The following MLPH variants were observed in gnomAD, a reference collection of about 807,000 sequenced individuals.
MLPH encodes melanophilin.
MLPH carries 51 observed loss-of-function variants against 72.1 expected under a neutral mutation model. The observed-to-expected ratio is 0.71, with a 90% CI of 0.56 to 0.89. The LOEUF is 0.89. MLPH is among the 40% of genes least tolerant of loss of function. The probability of loss-of-function intolerance (pLI) is 0.00; values close to 1 mark genes in which losing one functional copy is unlikely to be tolerated. For synonymous variants in MLPH, 301 were observed against 310.1 expected (o/e 0.97, Z 0.31); for missense variants, 743 against 759.9 (o/e 0.98, Z 0.26).
Position 237,553,693 on chromosome 2 carries a change from C to T in MLPH, c.*101C>T, listed in dbSNP as rs757937045. 2.8e-5 allele frequency: 42 copies of T among 1,517,376 alleles called. No homozygotes were observed. In the East Asian group the frequency reaches 2.9e-4, roughly 11 times the overall value. The allele number at this position is 1,517,376 out of a possible 1,614,324, so 94.0% of individuals were successfully genotyped here. ...TGTGCTTTCCACTATACACAGTCACCGTCCCAATGAGAAACAAGAAGGAGC... is the reference window on the plus strand; with the variant it reads ...TGTGCTTTCCACTATACACAGTCACTGTCCCAATGAGAAACAAGAAGGAGC... On this transcript the variant is annotated 3_prime_UTR_variant, in exon 16 of 16. Transcript: ENST00000264605.
intron 12 of MLPH, chr2:237,545,747 A>T: frequency 2.2e-6 from 2 of 918,050 alleles, no homozygotes; most frequent in South Asian, 1.9e-5. Context: ...ACCTTAGGAG[A>T]GTCCCAGATA....
rs1559377397 is a variant in MLPH at position 237,545,187 on chromosome 2, G to GGA, written c.1540-1419_1540-1418insGA. ...GTGGGGGGACAGTGGTGAGTGGAGG[G>GGA]CACAGTGGTGAGTGGGGACAGTGGT... On this transcript the variant is annotated intron_variant, in intron 12 of 15. Transcript: ENST00000264605. Among the ~76,000 whole-genome samples, 36 of 48,928 alleles carry GGA rather than the reference G, an allele frequency of 7.4e-4. 1 individual carries two copies. Among genetic ancestry groups the GGA allele is most frequent in the Non-Finnish European group, 9.4e-4 (23 of 24,366 alleles). 32.1% of individuals were successfully genotyped at this position (48,928 alleles called of 152,430 possible).
At chr2:237,545,916 C>A in intron 12 of MLPH, 1 of 198,208 alleles carries the variant, frequency 5.0e-6, no homozygotes, top group South Asian at 9.4e-5. Flanking sequence ...AGGTCTCAGT[C>A]AATTTGGAAA....
chr2:237,519,809 C>G (rs1442425173), intron 5 of MLPH, 101 bp from the exon 6 acceptor site: 10 of 1,567,822 alleles, frequency 6.4e-6, no homozygotes, highest in Admixed American at 5.0e-5. Context: ...CTGCCCCGCC[C>G]CTCTGGGGGC....
Position 237,540,904 on chromosome 2 carries a change from C to T in MLPH, c.1393C>T (p.Leu465=). The change falls in exon 11 of 16, where the codon CTG becomes TTG. Residue 465 remains leucine (L), a synonymous_variant. Coordinates refer to ENST00000264605, the MANE Select transcript of MLPH (RefSeq NM_024101.7). ...GACCACAGATGAGGAGCTGTCAGAGCTGGAGGACAGAGTGGCAGTGACGGC... is the reference window on the plus strand; with the variant it reads ...GACCACAGATGAGGAGCTGTCAGAGTTGGAGGACAGAGTGGCAGTGACGGC... The part of the protein sequence containing the change: ...NRTTDEELSE[L]EDRVAVTASE... 2 of 1,612,260 alleles carry T rather than the reference C, an allele frequency of 1.2e-6. No homozygotes were observed. Among genetic ancestry groups the T allele is most frequent in the Non-Finnish European group, 1.7e-6 (2 of 1,179,428 alleles).
At chr2:237,490,801 A>T (rs1318784723) in intron 1 of MLPH, among the ~76,000 whole-genome samples, 1 of 152,222 alleles carries the variant, frequency 6.6e-6, no homozygotes. Context: ...ATCAAAAATG[A>T]GTTCGGTAGT....
intron 9 of MLPH, among the ~76,000 whole-genome samples, chr2:237,536,464 G>C (rs2080533005): frequency 6.6e-6 from 1 of 152,200 alleles, no homozygotes; most frequent in African/African-American, 2.4e-5. Context: ...AGGCTCTCAT[G>C]AGTGAGACTC....
At chr2:237,537,959 C>T (rs1170634949) in intron 9 of MLPH, among the ~76,000 whole-genome samples, 2 of 152,196 alleles carry the variant, frequency 1.3e-5, no homozygotes, top group African/African-American at 4.8e-5. Flanking sequence ...GGGGAGAGCC[C>T]TCGGAATGTG....
At chr2:237,523,668 G>A (rs184227597) in intron 6 of MLPH, among the ~76,000 whole-genome samples, 19 of 152,200 alleles carry the variant, frequency 1.2e-4, no homozygotes, top group Admixed American at 9.2e-4. Context: ...GTGTAAAGAA[G>A]GTTTAATACT....
At chr2:237,515,385 G>A (rs1034226510) in intron 4 of MLPH, among the ~76,000 whole-genome samples, 1 of 152,116 alleles carries the variant, frequency 6.6e-6, no homozygotes, top group African/African-American at 2.4e-5. Flanking sequence ...TCCCCACTTG[G>A]GGACAGTCAG....
rs13384622 is a variant in MLPH at position 237,516,622 on chromosome 2, T to C, written c.446-1917T>C. 5.3e-3 allele frequency among the ~76,000 whole-genome samples: 802 copies of C among 152,346 alleles called. 5 individuals are homozygous for C. Among genetic ancestry groups the C allele is most frequent in the African/African-American group, 0.019 (772 of 41,574 alleles). The stretch of plus-strand genomic sequence containing the variant: ...CTGTTGGTAACATTGATTGGTAACA[T>C]TGGCAACTGATTGGTAATGTTGATG... On this transcript the variant is annotated intron_variant, in intron 4 of 15. Coordinates refer to ENST00000264605, the MANE Select transcript of MLPH (RefSeq NM_024101.7).
intron 4 of MLPH, chr2:237,518,134 GGA>G: frequency 2.9e-6 from 1 of 341,846 alleles, no homozygotes; most frequent in Admixed American, 4.2e-5. Flanking sequence ...AGGGATGGAT[GGA>G]TGGATGGGTG....
chr2:237,522,654 G>T (rs1360587429), intron 6 of MLPH, among the ~76,000 whole-genome samples: 1 of 152,010 alleles, frequency 6.6e-6, no homozygotes, highest in African/African-American at 2.4e-5. Flanking sequence ...CAACTATAGT[G>T]CTGGAGCGGA....
At chr2:237,537,160 C>T (rs6715245) in intron 9 of MLPH, among the ~76,000 whole-genome samples, 15,216 of 152,246 alleles carry the variant, frequency 0.1, 942 homozygotes, top group Non-Finnish European at 0.14. Context: ...CAAACAAGGA[C>T]GAGTTAGTCA....
chr2:237,497,749 G>A (rs972503164), intron 2 of MLPH, among the ~76,000 whole-genome samples: 4 of 152,202 alleles, frequency 2.6e-5, no homozygotes, highest in South Asian at 2.1e-4. Context: ...TAATCTGTGC[G>A]TTTAACCAAT....
In MLPH at chr2:237,512,580, T is replaced by C. The variant is rs1357673319; in HGVS notation, c.445+1479T>C. 6.6e-6 allele frequency among the ~76,000 whole-genome samples: 1 copy of C among 152,022 alleles called. No individual in the cohort carries two copies. The highest frequency in any genetic ancestry group is 1.5e-5 in the Non-Finnish European group (1 of 68,004). On this transcript the variant is annotated intron_variant, in intron 4 of 15. Transcript: ENST00000264605. This position sits in a 1 kb window ranked among gnomAD's most constrained non-coding sequence, Gnocchi z 5.5. ...TATCACCCTATTCTTGGGGGCTGCT[T>C]CTTCACAGTGATCATGAAGCCTAGC...
At chr2:237,552,728 T>C (rs2081063364) in intron 15 of MLPH, among the ~76,000 whole-genome samples, 1 of 152,216 alleles carries the variant, frequency 6.6e-6, no homozygotes, top group Non-Finnish European at 1.5e-5. Flanking sequence ...AATTTGTAGC[T>C]GAGAAAACAG....
At chr2:237,493,858 T>TCCATG (rs1227303278) in intron 2 of MLPH, among the ~76,000 whole-genome samples, 1 of 152,184 alleles carries the variant, frequency 6.6e-6, no homozygotes, top group African/African-American at 2.4e-5. Flanking sequence ...GGGGAAAGTC[T>TCCATG]CCATGCCATT....
intron 2 of MLPH, among the ~76,000 whole-genome samples, chr2:237,503,643 G>A (rs1431564945): frequency 6.6e-6 from 1 of 152,146 alleles, no homozygotes; most frequent in Non-Finnish European, 1.5e-5. Context: ...CCAACTCAGG[G>A]TCACCCTCAG....
Sources: gnomAD v4.1 joint callset for allele counts (sites outside exome capture counted in the v4.1 genomes callset) on GRCh38, gnomAD v4.1.1 for gene constraint, Gnocchi (gnomAD v3.1) non-coding constraint, MANE v1.5 for transcripts, NCBI Gene and HGNC (gene_info 2026-07-23, HGNC 2026-07-21) for gene names.